The following CDH13 variants were observed in gnomAD, a reference collection of about 807,000 sequenced individuals.
CDH13 encodes cadherin-13.
In CDH13, 24 loss-of-function variants were observed where a neutral mutation model predicts 63.8. That is an observed-to-expected ratio of 0.38 (90% CI 0.27 to 0.53). The LOEUF (loss-of-function observed/expected upper bound fraction) is 0.53, where lower values mean the gene tolerates loss of function less well. CDH13 is among the 20% of genes least tolerant of loss of function. The pLI is 0.85. For synonymous variants in CDH13, 503 were observed against 355.3 expected, an observed-to-expected ratio of 1.42 and a Z score of -4.67; for missense variants, 1,049 against 903.1, an observed-to-expected ratio of 1.16 and a Z score of -2.07.
In CDH13 at chr16:83,500,204, T is replaced by A. The variant is rs576845870; in HGVS notation, c.960+13549T>A. 1.0e-3 allele frequency among the ~76,000 whole-genome samples: 154 copies of A among 149,962 alleles called. 6 individuals are homozygous for A. The highest frequency in any genetic ancestry group is 3.8e-3 in the African/African-American group (150 of 39,920). On this transcript the variant is annotated intron_variant, in intron 7 of 13. Coordinates refer to ENST00000567109, the MANE Select transcript of CDH13 (RefSeq NM_001257.5). ...GATGGGTCAAGCAACACTATCACAT[T>A]TGAATTCAGACACTAGTTTCTTTCT...
chr16:83,508,160 G>A (rs2074466302), intron 7 of CDH13, among the ~76,000 whole-genome samples: 2 of 142,206 alleles, frequency 1.4e-5, no homozygotes, highest in Non-Finnish European at 3.1e-5. Context: ...GGGAGGCGAG[G>A]GGAGGGGAGG....
At chr16:82,698,857 C>T (rs1267413644) in intron 1 of CDH13, among the ~76,000 whole-genome samples, 1 of 152,136 alleles carries the variant, frequency 6.6e-6, no homozygotes, top group Non-Finnish European at 1.5e-5. Context: ...ATATTTTAGA[C>T]TTTGGGGCCA....
chr16:82,869,466 C>T (rs1356216992), intron 2 of CDH13, among the ~76,000 whole-genome samples: 5 of 151,186 alleles, frequency 3.3e-5, no homozygotes, highest in Non-Finnish European at 2.9e-5. Context: ...AAATTATTTA[C>T]AGAAAAAGAA....
At chr16:83,432,804 C>T (rs1567669037) in intron 6 of CDH13, among the ~76,000 whole-genome samples, 1 of 152,198 alleles carries the variant, frequency 6.6e-6, no homozygotes, top group Non-Finnish European at 1.5e-5. Context: ...TCAGGAAGTG[C>T]AAACAGGTTG....
chr16:83,211,667 A>G (rs963666069), intron 4 of CDH13, among the ~76,000 whole-genome samples: 1 of 152,108 alleles, frequency 6.6e-6, no homozygotes, highest in Non-Finnish European at 1.5e-5. Flanking sequence ...TTAAAATCAA[A>G]TCAAGGAGTC....
At chr16:83,651,588 C>CTTTTT (rs35237670) in intron 8 of CDH13, among the ~76,000 whole-genome samples, 59 of 75,268 alleles carry the variant, frequency 7.8e-4, no homozygotes, top group Non-Finnish European at 1.0e-3. Flanking sequence ...TTATTTTCCT[C>CTTTTT]TTTTTTTTTT....
intron 6 of CDH13, among the ~76,000 whole-genome samples, chr16:83,357,458 A>T (rs1310929589): frequency 6.6e-6 from 1 of 152,176 alleles, no homozygotes; most frequent in Non-Finnish European, 1.5e-5. Context: ...GATGTGGTTT[A>T]ACTGGAAATA....
intron 5 of CDH13, among the ~76,000 whole-genome samples, chr16:83,296,139 GAGAACATGTGTAT>G (rs1567571828): frequency 6.6e-6 from 1 of 152,238 alleles, no homozygotes; most frequent in East Asian, 1.9e-4. Context: ...TCTTTTCTCA[GAGAACATGTGTAT>G]AGTCCTTGTA....
chr16:83,064,682 A>T (rs1048150596), intron 3 of CDH13, among the ~76,000 whole-genome samples: 14 of 152,162 alleles, frequency 9.2e-5, no homozygotes, highest in African/African-American at 2.9e-4. Flanking sequence ...TTTCTTTTTG[A>T]TGGAGAAAAT....
intron 3 of CDH13, among the ~76,000 whole-genome samples, chr16:83,100,340 A>T (rs1269018039): frequency 1.3e-5 from 2 of 152,196 alleles, no homozygotes; most frequent in Admixed American, 6.5e-5. Context: ...AGTGTTGGGG[A>T]TACCATATAT....
At chr16:82,672,994 G>GTTTTTTTT (rs1194023626) in intron 1 of CDH13, among the ~76,000 whole-genome samples, 21 of 26,504 alleles carry the variant, frequency 7.9e-4, no homozygotes, top group Non-Finnish European at 1.2e-3. Flanking sequence ...TTTTTATAAA[G>GTTTTTTTT]TTTTCTTTTT....
intron 6 of CDH13, among the ~76,000 whole-genome samples, chr16:83,484,290 G>C (rs974681422): frequency 2.0e-5 from 3 of 152,220 alleles, no homozygotes; most frequent in African/African-American, 4.8e-5. Flanking sequence ...TTAGGCTTCA[G>C]TGTTTTCTTT....
intron 6 of CDH13, among the ~76,000 whole-genome samples, chr16:83,364,307 C>G (rs558761796): frequency 3.5e-4 from 53 of 152,106 alleles, no homozygotes; most frequent in Non-Finnish European, 7.1e-4. Context: ...GGTAGTCTCT[C>G]CCTCACTTTC....
At chr16:83,671,215 T>G (rs1028636903) in intron 9 of CDH13, among the ~76,000 whole-genome samples, 1 of 152,214 alleles carries the variant, frequency 6.6e-6, no homozygotes, top group Admixed American at 6.5e-5. Context: ...ATGTGTAACT[T>G]TAAGAAAACC....
rs982156984 is a variant in CDH13 at position 82,710,729 on chromosome 16, A to C, written c.45+83592A>C. On this transcript the variant is annotated intron_variant, in intron 1 of 13. Coordinates refer to ENST00000567109, the MANE Select transcript of CDH13 (RefSeq NM_001257.5). Reference sequence around the variant, plus strand: ...GTATTTTATATATTGTATGTTTATAAAATATTAGAAAAATATATTTGTATA... The same window carrying C: ...GTATTTTATATATTGTATGTTTATACAATATTAGAAAAATATATTTGTATA... Among the ~76,000 whole-genome samples the C allele has an allele frequency of 3.4e-5, 5 of 146,568 alleles. No homozygotes were observed. The South Asian group carries it at 1.0e-3, about 31-fold the overall frequency.
chr16:83,514,260 A>T (rs1190922946), intron 7 of CDH13, among the ~76,000 whole-genome samples: 1 of 152,232 alleles, frequency 6.6e-6, no homozygotes, highest in Non-Finnish European at 1.5e-5. Context: ...CCAGAACCTC[A>T]GAATGTGTCT....
At chr16:82,906,237 C>T (rs146235926) in intron 2 of CDH13, among the ~76,000 whole-genome samples, 38 of 152,258 alleles carry the variant, frequency 2.5e-4, no homozygotes, top group African/African-American at 8.2e-4. Context: ...GAGCCCTTTA[C>T]TAGAAGGTTG....
intron 4 of CDH13, among the ~76,000 whole-genome samples, chr16:83,147,699 C>G (rs556561401): frequency 5.3e-5 from 8 of 152,194 alleles, no homozygotes; most frequent in African/African-American, 1.9e-4. Context: ...CTTTCCACCC[C>G]ACTTGCGTTC....
intron 3 of CDH13, among the ~76,000 whole-genome samples, chr16:83,041,679 T>C (rs1455206913): frequency 6.6e-6 from 1 of 152,104 alleles, no homozygotes; most frequent in East Asian, 1.9e-4. Context: ...GCGAAAATTT[T>C]TGTGGATGAT....
Sources: allele counts gnomAD v4.1 joint callset (sites outside exome capture counted in the v4.1 genomes callset), GRCh38; gene constraint gnomAD v4.1.1; transcripts MANE v1.5; gene names NCBI Gene and HGNC (gene_info 2026-07-23, HGNC 2026-07-21).